SNX18: variants seen among roughly 807,000 people sequenced by gnomAD.
SNX18 encodes sorting nexin-18.
Under a neutral mutation model 48.7 loss-of-function variants are expected in SNX18, and 35 were observed. The ratio of observed to expected loss-of-function variants is 0.72; its 90% CI spans 0.55 to 0.95. The LOEUF (loss-of-function observed/expected upper bound fraction) is 0.95. Among genes scored for constraint, SNX18 ranks in the 40% least tolerant of loss-of-function variants. SNX18 has a pLI of 0.00. For missense variants in SNX18, 824 were observed against 871.0 expected (o/e 0.95, Z 0.68); for synonymous variants, 492 against 384.7 (o/e 1.28, Z -3.26).
the SNX18 span, among the ~76,000 whole-genome samples, chr5:54,595,273 T>C: frequency 4.6e-5 from 7 of 152,220 alleles, no homozygotes; most frequent in Admixed American, 6.5e-5. Flanking sequence ...TCTCGCTCTG[T>C]CACTCAGGCT....
rs774715540 is a variant in SNX18, at chr5:54,519,365, C to A, written c.1413C>A (p.Phe471Leu). The A allele has an allele frequency of 3.7e-6, 6 of 1,613,296 alleles. No homozygotes were observed. Among genetic ancestry groups the A allele is most frequent in the Non-Finnish European group, 8.5e-7 (1 of 1,179,464 alleles). ...KKEYQKVGQS[F>L]RGLSQAFELD... ...AGTATCAGAAGGTGGGCCAGTCCTTCCGCGGCCTCAGCCAGGCCTTTGAGC... is the reference window on the plus strand; with the variant it reads ...AGTATCAGAAGGTGGGCCAGTCCTTACGCGGCCTCAGCCAGGCCTTTGAGC... Residue 471 changes from phenylalanine to leucine, a missense_variant, in exon 1 of 2, where the codon TTC becomes TTA. Transcript: ENST00000381410.
downstream of SNX18, among the ~76,000 whole-genome samples, chr5:54,551,017 A>G (rs1003329029): frequency 2.0e-5 from 3 of 151,956 alleles, no homozygotes; most frequent in Non-Finnish European, 4.4e-5. Context: ...AATATAAACG[A>G]TTGAATGTAT....
At chr5:54,582,197 G>GA in the SNX18 span, among the ~76,000 whole-genome samples, 1 of 152,220 alleles carries the variant, frequency 6.6e-6, no homozygotes, top group Non-Finnish European at 1.5e-5. Flanking sequence ...AATTAAGAGA[G>GA]AAAAACAGAT....
At chr5:54,585,831 G>A in the SNX18 span, among the ~76,000 whole-genome samples, 30 of 151,848 alleles carry the variant, frequency 2.0e-4, no homozygotes, top group Non-Finnish European at 3.2e-4. Context: ...GTGAAACCCC[G>A]TCTCTACTAA....
downstream of SNX18, among the ~76,000 whole-genome samples, chr5:54,550,966 G>A (rs1762647384): frequency 6.6e-6 from 1 of 151,630 alleles, no homozygotes; most frequent in African/African-American, 2.4e-5. Context: ...GGGAATGGGG[G>A]GCAGGAGAGA....
the SNX18 span, among the ~76,000 whole-genome samples, chr5:54,631,586 G>A: frequency 2.0e-5 from 3 of 152,076 alleles, no homozygotes; most frequent in African/African-American, 4.8e-5. Context: ...CTCTATTCTG[G>A]GTGCCATGGC....
the SNX18 span, among the ~76,000 whole-genome samples, chr5:54,570,078 A>C: frequency 6.6e-6 from 1 of 152,250 alleles, no homozygotes; most frequent in Admixed American, 6.5e-5. Context: ...AATGAAAACA[A>C]CTTAAGATGA....
chr5:54,637,808 C>T, the SNX18 span, among the ~76,000 whole-genome samples: 2 of 152,200 alleles, frequency 1.3e-5, no homozygotes, highest in African/African-American at 4.8e-5. Context: ...GGGCCATACT[C>T]TACATGACCT....
At chr5:54,564,506 A>C in the SNX18 span, among the ~76,000 whole-genome samples, 1 of 152,192 alleles carries the variant, frequency 6.6e-6, no homozygotes, top group African/African-American at 2.4e-5. Context: ...GCATAAATGT[A>C]TTATTTTGTA....
the SNX18 span, among the ~76,000 whole-genome samples, chr5:54,605,727 G>A: frequency 7.2e-5 from 11 of 152,140 alleles, no homozygotes; most frequent in South Asian, 1.7e-3. Context: ...TGGCACTATC[G>A]CAGCTCACTG....
the SNX18 span, among the ~76,000 whole-genome samples, chr5:54,569,552 C>A: frequency 6.6e-6 from 1 of 152,166 alleles, no homozygotes; most frequent in Non-Finnish European, 1.5e-5. Flanking sequence ...ACTGGAGCAT[C>A]TAGGATCTGG....
the SNX18 span, among the ~76,000 whole-genome samples, chr5:54,577,653 G>A: frequency 1.3e-5 from 2 of 152,176 alleles, no homozygotes; most frequent in African/African-American, 2.4e-5. Flanking sequence ...TCAGGAAGAG[G>A]GACGCTAGAG....
At chr5:54,554,957 G>C in the SNX18 span, among the ~76,000 whole-genome samples, 1 of 152,182 alleles carries the variant, frequency 6.6e-6, no homozygotes, top group Non-Finnish European at 1.5e-5. Flanking sequence ...GGAAAACTGA[G>C]GTTCAGAGAA....
chr5:54,588,413 T>C, the SNX18 span, among the ~76,000 whole-genome samples: 1 of 144,656 alleles, frequency 6.9e-6, no homozygotes, highest in East Asian at 2.1e-4. Context: ...CTGCAAGCTC[T>C]GCCTCCCAGG....
the SNX18 span, among the ~76,000 whole-genome samples, chr5:54,570,855 G>A: frequency 3.3e-5 from 5 of 152,202 alleles, no homozygotes; most frequent in Non-Finnish European, 5.9e-5. Context: ...CTGAAAGAGC[G>A]ATTCAGTAAG....
chr5:54,607,648 A>G, the SNX18 span, among the ~76,000 whole-genome samples: 1 of 152,258 alleles, frequency 6.6e-6, no homozygotes, highest in African/African-American at 2.4e-5. Context: ...TAAAGCTGCT[A>G]TGGGCCAGGC....
At chr5:54,639,937 G>T in the SNX18 span, among the ~76,000 whole-genome samples, 3 of 152,174 alleles carry the variant, frequency 2.0e-5, no homozygotes, top group Non-Finnish European at 4.4e-5. Flanking sequence ...AGGACTAAAA[G>T]AATCATCAGT....
the SNX18 span, among the ~76,000 whole-genome samples, chr5:54,557,658 CAG>C: frequency 2.6e-5 from 4 of 152,142 alleles, no homozygotes; most frequent in Non-Finnish European, 5.9e-5. Flanking sequence ...TACAGATTTT[CAG>C]AGTTTCAGTT....
chr5:54,629,475 T>A, the SNX18 span, among the ~76,000 whole-genome samples: 1 of 152,184 alleles, frequency 6.6e-6, no homozygotes, highest in African/African-American at 2.4e-5. Flanking sequence ...TGTAGAAGCG[T>A]TTAAAATGAA....
Sources: allele counts gnomAD v4.1 joint callset (sites outside exome capture counted in the v4.1 genomes callset), GRCh38; gene constraint gnomAD v4.1.1; transcripts MANE v1.5; gene names NCBI Gene and HGNC (gene_info 2026-07-23, HGNC 2026-07-21).